Variants in AGPAT5 observed in about 807,000 individuals in gnomAD.
AGPAT5 encodes the protein 1-acylglycerol-3-phosphate O-acyltransferase 5, also known as 1-acyl-sn-glycerol-3-phosphate acyltransferase epsilon.
In AGPAT5, 46 loss-of-function variants were observed where a neutral mutation model predicts 45.6. The ratio of observed to expected loss-of-function variants is 1.01; its 90% CI spans 0.80 to 1.29. The LOEUF (loss-of-function observed/expected upper bound fraction) is 1.29, where lower values mean the gene tolerates loss of function less well. Among genes scored for constraint, AGPAT5 ranks in the 50% most tolerant of loss-of-function variants. The pLI, the probability that AGPAT5 is intolerant of heterozygous loss-of-function variation, is 0.00. For synonymous variants in AGPAT5, 272 were observed against 167.0 expected (o/e 1.63, Z -4.85); for missense variants, 673 against 450.7 (o/e 1.49, Z -4.47).
In AGPAT5 at chr8:6,750,246, C is replaced by T. The variant is rs150472444; in HGVS notation, c.745+2418C>T. Among the ~76,000 whole-genome samples the T allele has an allele frequency of 5.8e-3, 878 of 152,324 alleles. 8 individuals are homozygous for T. Among genetic ancestry groups the T allele is most frequent in the South Asian group, 0.025 (122 of 4,826 alleles). Reference sequence around the variant, plus strand: ...ACAGGGCTCTGCCTTTCTCTCTTCCCAGCCGCATCATAAGTGCCTTGAGGA... The same window carrying T: ...ACAGGGCTCTGCCTTTCTCTCTTCCTAGCCGCATCATAAGTGCCTTGAGGA... On this transcript the variant is annotated intron_variant, in intron 6 of 7. Transcript: ENST00000285518.
chr8:6,713,910 A>G (rs1324203761), intron 1 of AGPAT5, among the ~76,000 whole-genome samples: 4 of 152,206 alleles, frequency 2.6e-5, no homozygotes, highest in African/African-American at 9.7e-5. Context: ...GAACATTTAT[A>G]ACTGGATCTT....
intron 6 of AGPAT5, among the ~76,000 whole-genome samples, chr8:6,752,317 T>C (rs1345717432): frequency 6.6e-6 from 1 of 152,262 alleles, no homozygotes; most frequent in Non-Finnish European, 1.5e-5. Context: ...AAATCCTCTT[T>C]TTTATAATGT....
At chr8:6,756,047 T>C (rs1801821769) in intron 7 of AGPAT5, among the ~76,000 whole-genome samples, 2 of 152,204 alleles carry the variant, frequency 1.3e-5, no homozygotes. Context: ...TCTGGACATT[T>C]TAAAACAATG....
rs1563304373 is a variant in AGPAT5, at chr8:6,747,838, T to A, written c.745+10T>A. Reference sequence around the variant, plus strand: ...TCACCGACCATGACGGGTAAGTGTGTTCACGCACCTGAAATGCCTGTACAC... The same window carrying A: ...TCACCGACCATGACGGGTAAGTGTGATCACGCACCTGAAATGCCTGTACAC... On this transcript the variant is annotated intron_variant, in intron 6 of 7. Coordinates refer to ENST00000285518, the MANE Select transcript of AGPAT5 (RefSeq NM_018361.5). The A allele has an allele frequency of 6.2e-7, 1 of 1,613,422 alleles. No homozygotes were observed. The highest frequency in any genetic ancestry group is 8.5e-7 in the Non-Finnish European group (1 of 1,179,558).
chr8:6,748,801 G>A (rs980392484), intron 6 of AGPAT5, among the ~76,000 whole-genome samples: 2 of 152,150 alleles, frequency 1.3e-5, no homozygotes, highest in African/African-American at 2.4e-5. Context: ...CAGCTGTTTG[G>A]GGTTGAGCCA....
At chr8:6,739,136 T>C (rs1801153884) in intron 4 of AGPAT5, among the ~76,000 whole-genome samples, 3 of 151,880 alleles carry the variant, frequency 2.0e-5, no homozygotes, top group Admixed American at 2.0e-4. Context: ...ATTTGTTCTG[T>C]TATATTGATC....
chr8:6,757,591 G>A lies in AGPAT5; in HGVS notation c.*203G>A. The A allele has an allele frequency of 1.9e-6, 1 of 538,204 alleles. No homozygotes were observed. Among genetic ancestry groups the A allele is most frequent in the Admixed American group, 3.3e-5 (1 of 30,318 alleles). 33.3% of individuals were successfully genotyped at this position (538,204 alleles called of 1,614,324 possible). On this transcript the variant is annotated 3_prime_UTR_variant, in exon 8 of 8. Coordinates refer to ENST00000285518, the MANE Select transcript of AGPAT5 (RefSeq NM_018361.5). ...CTGGTTGTACAACTTTAGCATCGGGGCTGCTGGAAGGGTAAAAGCTAAATG... is the reference window on the plus strand; with the variant it reads ...CTGGTTGTACAACTTTAGCATCGGGACTGCTGGAAGGGTAAAAGCTAAATG...
chr8:6,728,260 G>C (rs1227094924), intron 2 of AGPAT5, among the ~76,000 whole-genome samples: 4 of 152,186 alleles, frequency 2.6e-5, no homozygotes, highest in Non-Finnish European at 5.9e-5. Flanking sequence ...GTTAAATTAT[G>C]CCAGAACACA....
chr8:6,759,105 G>T lies in AGPAT5; in HGVS notation c.*1717G>T, dbSNP rs1280088254. ...TAGTTGGCCTAATAATCGGGGCATG[G>T]GTAAAACTTATGAAAATTTCCTCAT... On this transcript the variant is annotated 3_prime_UTR_variant, in exon 8 of 8. Transcript: ENST00000285518. 1 of 152,056 alleles carries T rather than the reference G, an allele frequency of 6.6e-6. No individual in the cohort carries two copies. Among genetic ancestry groups the T allele is most frequent in the Non-Finnish European group, 1.5e-5 (1 of 68,008 alleles). The allele number at this position is 152,056 out of a possible 1,614,324, so 9.4% of individuals were successfully genotyped here.
At chr8:6,728,102 C>G (rs751254283) in intron 2 of AGPAT5, among the ~76,000 whole-genome samples, 31 of 152,198 alleles carry the variant, frequency 2.0e-4, no homozygotes, top group Admixed American at 9.2e-4. Flanking sequence ...TTAGGAACTG[C>G]TGTTTCATGA....
intron 4 of AGPAT5, among the ~76,000 whole-genome samples, chr8:6,738,827 T>G (rs577759386): frequency 6.6e-6 from 1 of 151,920 alleles, no homozygotes; most frequent in Non-Finnish European, 1.5e-5. Flanking sequence ...ACTTTTAAGC[T>G]TAATTTATTG....
intron 4 of AGPAT5, among the ~76,000 whole-genome samples, chr8:6,735,572 G>C (rs577972690): frequency 6.6e-6 from 1 of 152,148 alleles, no homozygotes; most frequent in East Asian, 1.9e-4. Context: ...CTTGCATCTT[G>C]TTTCTCCTTT....
chr8:6,733,406 G>A (rs1563293483), intron 4 of AGPAT5, among the ~76,000 whole-genome samples: 1 of 152,194 alleles, frequency 6.6e-6, no homozygotes, highest in African/African-American at 2.4e-5. Flanking sequence ...GGTGAAGGAA[G>A]AATTCTTCAC....
intron 6 of AGPAT5, among the ~76,000 whole-genome samples, chr8:6,749,703 AACAG>A (rs758961752): frequency 3.2e-4 from 49 of 152,350 alleles, no homozygotes; most frequent in Admixed American, 3.9e-4. Flanking sequence ...TGCATTTGAA[AACAG>A]ACAGTTCATC....
chr8:6,754,682 C>A (rs1801773373), intron 6 of AGPAT5, among the ~76,000 whole-genome samples: 2 of 152,108 alleles, frequency 1.3e-5, no homozygotes, highest in African/African-American at 2.4e-5. Flanking sequence ...TGGTGGTAGG[C>A]ATTTGCGGGT....
chr8:6,755,040 T>G lies in AGPAT5; in HGVS notation c.746-11T>G, dbSNP rs1801788046. ...TAGTAAAAAAAAAGAATTATTTTTG[T>G]TCTTTGTTAGAATTTCTCTGCAAAG... is the stretch of plus-strand genomic sequence containing the variant. On this transcript the variant is annotated splice_polypyrimidine_tract_variant and intron_variant, in intron 6 of 7. Coordinates refer to ENST00000285518, the MANE Select transcript of AGPAT5 (RefSeq NM_018361.5). 3.2e-6 allele frequency: 5 copies of G among 1,567,024 alleles called. No individual in the cohort carries two copies. Among genetic ancestry groups the G allele is most frequent in the Non-Finnish European group, 3.4e-6 (4 of 1,160,260 alleles).
rs980752340 is a variant in AGPAT5 at position 6,760,905 on chromosome 8, A to G, written c.*3517A>G. ...GTAATTAACTGAATTTAAAACCTTC[A>G]ACTATTATGAAGTGCTCGTCTGTAC... On this transcript the variant is annotated 3_prime_UTR_variant, in exon 8 of 8. Coordinates refer to ENST00000285518, the MANE Select transcript of AGPAT5 (RefSeq NM_018361.5). Among the ~76,000 whole-genome samples the G allele has an allele frequency of 2.0e-5, 3 of 152,208 alleles. No homozygotes were observed. Among genetic ancestry groups the G allele is most frequent in the African/African-American group, 7.2e-5 (3 of 41,458 alleles).
Position 6,761,462 on chromosome 8 carries a change from C to T in AGPAT5, c.*4074C>T, listed in dbSNP as rs536153545. ...ACTTGTGTTTTTGAGATTATTGGTG[C>T]CTCATTAATTCAGCAATAAAGGAAA... On this transcript the variant is annotated 3_prime_UTR_variant, in exon 8 of 8. Transcript: ENST00000285518. Among the ~76,000 whole-genome samples, 2 of 152,094 alleles carry T rather than the reference C, an allele frequency of 1.3e-5. No individual in the cohort carries two copies. The highest frequency in any genetic ancestry group is 4.1e-4 in the South Asian group (2 of 4,822).
Position 6,758,295 on chromosome 8 carries a change from T to C in AGPAT5, c.*907T>C, listed in dbSNP as rs1214793321. On this transcript the variant is annotated 3_prime_UTR_variant, in exon 8 of 8. Coordinates refer to ENST00000285518, the MANE Select transcript of AGPAT5 (RefSeq NM_018361.5). ...TTAAGGTGATGAGAGCCTGCAGACA[T>C]TCTGCCTAGATTTACTAGCGTGTGC... The C allele has an allele frequency of 6.6e-6, 1 of 152,654 alleles. No individual in the cohort carries two copies. Among genetic ancestry groups the C allele is most frequent in the African/African-American group, 2.4e-5 (1 of 41,464 alleles). The allele number at this position is 152,654 out of a possible 1,614,324, so 9.5% of individuals were successfully genotyped here. A position where few individuals can be genotyped will look rare whatever the true frequency, so the allele number is the denominator to read the frequency against.
Sources: gnomAD v4.1 joint callset for allele counts (sites outside exome capture counted in the v4.1 genomes callset) on GRCh38, gnomAD v4.1.1 for gene constraint, MANE v1.5 for transcripts, NCBI Gene and HGNC (gene_info 2026-07-23, HGNC 2026-07-21) for gene names.